Variants in HDAC9 observed in about 807,000 individuals in gnomAD.
HDAC9 encodes the protein histone deacetylase 9.
HDAC9 carries 41 observed loss-of-function variants against 139.4 expected under a neutral mutation model. The ratio of observed to expected loss-of-function variants is 0.29; its 90% CI spans 0.23 to 0.38. The LOEUF (loss-of-function observed/expected upper bound fraction) is 0.38. Among genes scored for constraint, HDAC9 ranks in the 10% least tolerant of loss-of-function variants. HDAC9 has a pLI of 1.00. For missense variants in HDAC9, 1,147 were observed against 1,297.0 expected, an observed-to-expected ratio of 0.88 and a Z score of 1.78; for synonymous variants, 517 against 476.2, an observed-to-expected ratio of 1.09 and a Z score of -1.12.
At chr7:18,450,187 A>G (rs1792683850) in intron 1 of HDAC9, among the ~76,000 whole-genome samples, 1 of 152,206 alleles carries the variant, frequency 6.6e-6, no homozygotes, top group Non-Finnish European at 1.5e-5. Flanking sequence ...AAGTCCTTCC[A>G]ACTCTGATTG....
At chr7:18,244,037 C>A (rs1363674999) in intron 2 of HDAC9, among the ~76,000 whole-genome samples, 2 of 152,196 alleles carry the variant, frequency 1.3e-5, no homozygotes, top group Non-Finnish European at 2.9e-5. Context: ...GGGGAATAGA[C>A]TGTTGCTGAA....
chr7:18,336,925 T>C (rs1348513232), intron 1 of HDAC9, among the ~76,000 whole-genome samples: 1 of 151,684 alleles, frequency 6.6e-6, no homozygotes, highest in East Asian at 1.9e-4. Flanking sequence ...TGTCAGGATA[T>C]ATTTTATAAT....
intron 1 of HDAC9, among the ~76,000 whole-genome samples, chr7:18,304,392 A>C (rs1054836834): frequency 3.3e-5 from 5 of 152,218 alleles, no homozygotes; most frequent in Admixed American, 6.5e-5. Flanking sequence ...ACTCTCAAGC[A>C]ATACCAGTAG....
intron 16 of HDAC9, among the ~76,000 whole-genome samples, chr7:18,784,943 TTGTGTGTGTG>T (rs147840943): frequency 1.8e-4 from 5 of 28,174 alleles, no homozygotes; most frequent in African/African-American, 2.4e-4. Context: ...TAGCAATTGC[TTGTGTGTGTG>T]TGTGTGTGTG....
intron 2 of HDAC9, among the ~76,000 whole-genome samples, chr7:18,510,755 G>T (rs979587731): frequency 1.3e-5 from 2 of 152,096 alleles, no homozygotes; most frequent in African/African-American, 4.8e-5. Flanking sequence ...AACATAGTGA[G>T]ATATTAAGGA....
At chr7:18,716,680 A>G (rs191621391) in intron 12 of HDAC9, among the ~76,000 whole-genome samples, 3 of 152,316 alleles carry the variant, frequency 2.0e-5, no homozygotes, top group South Asian at 2.1e-4. Flanking sequence ...ATTCTACCCA[A>G]TTGAGAAACA....
At chr7:18,330,702 C>T (rs1040072205) in intron 1 of HDAC9, among the ~76,000 whole-genome samples, 3 of 151,588 alleles carry the variant, frequency 2.0e-5, no homozygotes, top group Non-Finnish European at 1.5e-5. Flanking sequence ...CAAAATTTAT[C>T]CCAGAGTGAA....
chr7:18,847,633 G>A (rs754652620), intron 21 of HDAC9, among the ~76,000 whole-genome samples: 1 of 152,112 alleles, frequency 6.6e-6, no homozygotes, highest in Admixed American at 6.5e-5. Context: ...TCACAAAGTG[G>A]TTACACAAAA....
At chr7:18,347,361 A>G (rs921802388) in intron 1 of HDAC9, among the ~76,000 whole-genome samples, 2 of 152,202 alleles carry the variant, frequency 1.3e-5, no homozygotes, top group African/African-American at 4.8e-5. Flanking sequence ...TGGGAACCCC[A>G]TTATGACTCC....
intron 11 of HDAC9, among the ~76,000 whole-genome samples, chr7:18,653,913 C>T (rs1401175410): frequency 2.6e-5 from 4 of 152,064 alleles, no homozygotes; most frequent in Non-Finnish European, 5.9e-5. Context: ...CTGTCCCCAA[C>T]CCTCCATCCA....
At chr7:18,494,808 T>G (rs1255168807), upstream of HDAC9, among the ~76,000 whole-genome samples, 1 of 152,092 alleles carries the variant, frequency 6.6e-6, no homozygotes, top group African/African-American at 2.4e-5. Flanking sequence ...TATATATGAT[T>G]TATCCATCAA....
intron 22 of HDAC9, among the ~76,000 whole-genome samples, chr7:18,900,843 A>G (rs1170011690): frequency 6.6e-6 from 1 of 152,130 alleles, no homozygotes; most frequent in Non-Finnish European, 1.5e-5. Flanking sequence ...AGTCTAGTGT[A>G]TAGATACCAC....
At chr7:18,156,368 C>A (rs1043042218) in intron 1 of HDAC9, among the ~76,000 whole-genome samples, 1 of 152,208 alleles carries the variant, frequency 6.6e-6, no homozygotes, top group African/African-American at 2.4e-5. Context: ...TGAAGGCACC[C>A]ATCCCACCTG....
At chr7:18,810,196 G>A (rs1181182630) in intron 17 of HDAC9, among the ~76,000 whole-genome samples, 1 of 151,590 alleles carries the variant, frequency 6.6e-6, no homozygotes, top group East Asian at 1.9e-4. Context: ...GAAATGGAGA[G>A]GTTATGGAAT....
intron 1 of HDAC9, among the ~76,000 whole-genome samples, chr7:18,451,880 TG>T (rs953909044): frequency 6.6e-6 from 1 of 152,102 alleles, no homozygotes; most frequent in Non-Finnish European, 1.5e-5. Context: ...AAAGGGCACC[TG>T]GACACTAGGG....
chr7:18,310,604 A>G lies in HDAC9; in HGVS notation c.-42+20089A>G, dbSNP rs568846675. ...TCTCCTGATACTCGCACTGTGCACA[A>G]GTTAACATTTAGAGTTGGGAATATC... On this transcript the variant is annotated intron_variant, in intron 1 of 3. Transcript: ENST00000413509. 7.2e-5 allele frequency among the ~76,000 whole-genome samples: 11 copies of G among 152,304 alleles called. No individual in the cohort carries two copies. In the South Asian group the frequency reaches 2.3e-3, roughly 32 times the overall value.
chr7:18,425,047 A>G (rs1789987416), intron 1 of HDAC9, among the ~76,000 whole-genome samples: 1 of 152,200 alleles, frequency 6.6e-6, no homozygotes, highest in African/African-American at 2.4e-5. Flanking sequence ...TAGGAGAGGT[A>G]TATGAAAATA....
At chr7:18,915,899 A>G (rs1803151577) in intron 22 of HDAC9, among the ~76,000 whole-genome samples, 1 of 151,520 alleles carries the variant, frequency 6.6e-6, no homozygotes, top group African/African-American at 2.4e-5. Flanking sequence ...GGGCCCTTAG[A>G]GTGCAGAGTT....
intron 1 of HDAC9, among the ~76,000 whole-genome samples, chr7:18,093,236 G>C (rs1284226733): frequency 1.3e-5 from 2 of 152,142 alleles, no homozygotes; most frequent in Non-Finnish European, 2.9e-5. Flanking sequence ...ACTTTGAAAG[G>C]CTAAATACTT....
Sources: gnomAD v4.1 joint callset for allele counts (sites outside exome capture counted in the v4.1 genomes callset) on GRCh38, gnomAD v4.1.1 for gene constraint, MANE v1.5 for transcripts, NCBI Gene and HGNC (gene_info 2026-07-23, HGNC 2026-07-21) for gene names.